The following MICAL3 variants were observed in gnomAD, a reference collection of about 807,000 sequenced individuals.
The protein encoded by MICAL3 is microtubule associated monooxygenase, calponin and LIM domain containing 3, also known as [F-actin]-monooxygenase MICAL3.
Under a neutral mutation model 207.4 loss-of-function variants are expected in MICAL3, and 62 were observed. The observed-to-expected ratio is 0.30, with a 90% CI of 0.24 to 0.37. The LOEUF (loss-of-function observed/expected upper bound fraction) is 0.37, where lower values mean the gene tolerates loss of function less well. Ranked by LOEUF, MICAL3 falls within the 10% of genes least tolerant of loss-of-function variation. The pLI, the probability that MICAL3 is intolerant of heterozygous loss-of-function variation, is 1.00. For missense variants in MICAL3, 2,368 were observed against 2,635.6 expected (o/e 0.90, Z 2.22); for synonymous variants, 1,077 against 1,069.3 (o/e 1.01, Z -0.14).
At chr22:17,873,934 C>T (rs192162767) in intron 16 of MICAL3, among the ~76,000 whole-genome samples, 2 of 152,236 alleles carry the variant, frequency 1.3e-5, no homozygotes, top group Non-Finnish European at 2.9e-5. Flanking sequence ...CCTGGGGGAA[C>T]CTGACCCTAA....
At position 17,876,825 on chromosome 22, in the gene MICAL3, G is replaced by C. The variant is rs1200763016; in HGVS notation, c.2242-4802C>G. The C allele has an allele frequency of 2.8e-4, 35 of 123,866 alleles. 1 individual carries two copies. Among genetic ancestry groups the C allele is most frequent in the South Asian group, 1.4e-3 (6 of 4,202 alleles). The allele number at this position is 123,866 out of a possible 1,614,324, so 7.7% of individuals were successfully genotyped here. On this transcript the variant is annotated intron_variant, in intron 16 of 31. Coordinates refer to ENST00000441493, the MANE Select transcript of MICAL3 (RefSeq NM_015241.3). ...TATGGAGGTTAGGGAGGTTAGGGAG[G>C]TTATGGAGGTTAGGGAGGTTAGGGA...
rs748154052 is a variant in MICAL3, at chr22:17,841,830, G to A, written c.2793C>T (p.Val931=). 3.8e-5 allele frequency: 59 copies of A among 1,547,130 alleles called. No individual in the cohort carries two copies. Among genetic ancestry groups the A allele is most frequent in the Middle Eastern group, 1.7e-4 (1 of 5,858 alleles). Residue 931 remains valine, a synonymous_variant, in exon 20 of 32, where the codon GTC becomes GTT. Coordinates refer to ENST00000441493, the MANE Select transcript of MICAL3 (RefSeq NM_015241.3). This position sits in a 1 kb window ranked among gnomAD's most constrained non-coding sequence, Gnocchi z 4.2. ...CAGCCCTGCGTGCTGACCTGCTGGC[G>A]ACGTCCTCCTCGGCGCCCGTGTCCA... The part of the protein sequence containing the change: ...SVLDTGAEED[V]ASSSSESEME...
intron 29 of MICAL3, among the ~76,000 whole-genome samples, chr22:17,804,052 T>A (rs2061965887): frequency 6.6e-6 from 1 of 152,158 alleles, no homozygotes. Context: ...TGTCCACACA[T>A]GCCGTATCTG....
intron 12 of MICAL3, among the ~76,000 whole-genome samples, chr22:17,890,826 T>C (rs574478616): frequency 1.3e-5 from 2 of 152,314 alleles, no homozygotes; most frequent in East Asian, 1.9e-4. Context: ...CAAATGCCGA[T>C]GGGGGAACCT....
At position 17,996,666 on chromosome 22, in the gene MICAL3, T is replaced by C. The variant is rs1488748383; in HGVS notation, c.-75+27615A>G. On this transcript the variant is annotated intron_variant, in intron 1 of 31. Coordinates refer to ENST00000441493, the MANE Select transcript of MICAL3 (RefSeq NM_015241.3). Reference sequence around the variant, plus strand: ...CTGACACCACCCATCACCCAGGGGATCCGAGCTGAATTCTAAAGACTGGAA... The same window carrying C: ...CTGACACCACCCATCACCCAGGGGACCCGAGCTGAATTCTAAAGACTGGAA... Among the ~76,000 whole-genome samples, 8 of 152,188 alleles carry C rather than the reference T, an allele frequency of 5.3e-5. No individual in the cohort carries two copies. In the East Asian group the frequency reaches 9.6e-4, roughly 18 times the overall value.
At chr22:17,876,859 AGGTTAGG>A (rs1928527050) in intron 16 of MICAL3, 1 of 135,774 alleles carries the variant, frequency 7.4e-6, no homozygotes, top group Admixed American at 7.2e-5. Flanking sequence ...GAGGTTATGG[AGGTTAGG>A]GAGGTTAGGG....
chr22:17,799,377 C>A (rs2061913121), intron 29 of MICAL3, among the ~76,000 whole-genome samples: 1 of 152,188 alleles, frequency 6.6e-6, no homozygotes, highest in Non-Finnish European at 1.5e-5. Context: ...CAGAGCCAGA[C>A]CCTGTCTCAA....
intron 1 of MICAL3, among the ~76,000 whole-genome samples, chr22:17,913,161 C>A (rs1932248696): frequency 6.6e-6 from 1 of 152,132 alleles, no homozygotes; most frequent in African/African-American, 2.4e-5. Flanking sequence ...CACCACTGTG[C>A]CCTTCCCCTC....
chr22:17,960,134 G>A (rs746975793), intron 1 of MICAL3, among the ~76,000 whole-genome samples: 2 of 152,154 alleles, frequency 1.3e-5, no homozygotes, highest in East Asian at 3.8e-4. Context: ...CAGGCTGAGC[G>A]CGGCTGTGGC....
chr22:17,842,216 T>TGG, intron 19 of MICAL3, 199 bp from the exon 20 acceptor site: 1 of 601,674 alleles, frequency 1.7e-6, no homozygotes, highest in Non-Finnish European at 2.9e-6. Flanking sequence ...GAAAGGAAGG[T>TGG]GGCCCTGTCT....
chr22:18,002,658 C>T (rs1398442149), intron 1 of MICAL3, among the ~76,000 whole-genome samples: 1 of 151,778 alleles, frequency 6.6e-6, no homozygotes, highest in Non-Finnish European at 1.5e-5. Context: ...AAATATAGAG[C>T]GAATTGAACC....
chr22:17,791,007 C>T lies in MICAL3; in HGVS notation c.5815G>A (p.Ala1939Thr), dbSNP rs1261402833. 6 of 1,612,492 alleles carry T rather than the reference C, an allele frequency of 3.7e-6. No homozygotes were observed. The highest frequency in any genetic ancestry group is 4.2e-6 in the Non-Finnish European group (5 of 1,179,798). The change falls in exon 31 of 32, where the codon GCA becomes ACA. Residue 1939 changes from alanine to threonine, a missense_variant. Transcript: ENST00000441493. ...RLQQELRERM[A>T]VEDHLKTEEE... ...GCCTTACCCCACTCACCTTCCACTG[C>T]CATGCGTTCCCGGAGCTCCTGCTGC...
chr22:17,865,028 T>C, intron 18 of MICAL3, 42 bp from the exon 19 acceptor site: 5 of 1,565,212 alleles, frequency 3.2e-6, no homozygotes, highest in Non-Finnish European at 4.3e-6. Flanking sequence ...CTCTGACTGA[T>C]GCACTCAAAT....
chr22:17,881,149 T>C lies in MICAL3; in HGVS notation c.2241+4729A>G, dbSNP rs1035690527. The C allele has an allele frequency of 1.1e-5, 16 of 1,432,692 alleles. No homozygotes were observed. In the African/African-American group the frequency reaches 1.5e-4, roughly 14 times the overall value. 88.7% of individuals were successfully genotyped at this position (1,432,692 alleles called of 1,614,324 possible). A position where few individuals can be genotyped will look rare whatever the true frequency, so the allele number is the denominator to read the frequency against. The stretch of plus-strand genomic sequence containing the variant: ...TGACTTGGTCTCTACACTAGCCACC[T>C]ACACAGACAGGCAGGCAGACAGAGA... On this transcript the variant is annotated intron_variant, in intron 16 of 31. Coordinates refer to ENST00000441493, the MANE Select transcript of MICAL3 (RefSeq NM_015241.3).
At position 17,896,257 on chromosome 22, in the gene MICAL3, C is replaced by T. The variant is rs923048955; in HGVS notation, c.1311G>A (p.Val437=). The T allele has an allele frequency of 6.4e-7, 1 of 1,553,666 alleles. No individual in the cohort carries two copies. Among genetic ancestry groups the T allele is most frequent in the Admixed American group, 1.9e-5 (1 of 51,612 alleles). The change falls in exon 9 of 32, where the codon GTG becomes GTA. Residue 437 remains valine, a synonymous_variant. Coordinates refer to ENST00000441493, the MANE Select transcript of MICAL3 (RefSeq NM_015241.3). ...TTACTTCCCATTACCTCTCTGCCAG[C>T]ACTTCCAAAGGGCTCGTTCCTAGAG... ...SWSLGTSPLE[V]LAERESIYRL... is the part of the protein sequence containing the mutation.
intron 19 of MICAL3, chr22:17,863,443 G>A: frequency 1.0e-6 from 1 of 985,426 alleles, no homozygotes; most frequent in Non-Finnish European, 1.2e-6. Flanking sequence ...TTCTCTACCA[G>A]TGATTCTGCC....
Position 17,887,424 on chromosome 22 carries a change from G to A in MICAL3, c.1903C>T (p.Leu635=). 2 of 1,612,394 alleles carry A rather than the reference G, an allele frequency of 1.2e-6. No homozygotes were observed. The highest frequency in any genetic ancestry group is 1.3e-5 in the African/African-American group (1 of 75,010). The change falls in exon 14 of 32, where the codon CTA becomes TTA. Residue 635 remains leucine (L), a synonymous_variant. Coordinates refer to ENST00000441493, the MANE Select transcript of MICAL3 (RefSeq NM_015241.3). ...DSLPSSDTLD[L]NAEEKAVLIA... is the part of the protein sequence containing the mutation. ...AGGACTGCTTTCTCCTCGGCATTTA[G>A]GTCCAAGGTGTCTGGGAATAGAAAC...
chr22:17,976,537 G>A (rs1199282577), intron 1 of MICAL3, among the ~76,000 whole-genome samples: 152 of 45,792 alleles, frequency 3.3e-3, no homozygotes, highest in Non-Finnish European at 4.7e-3. Context: ...GTATATATAT[G>A]TGTGTGTGTG....
intron 1 of MICAL3, among the ~76,000 whole-genome samples, chr22:17,914,373 A>G (rs1251387574): frequency 6.6e-6 from 1 of 152,176 alleles, no homozygotes; most frequent in Non-Finnish European, 1.5e-5. Flanking sequence ...TCGGTGCCAC[A>G]TCCACGCCTA....
Sources: gnomAD v4.1 joint callset for allele counts (sites outside exome capture counted in the v4.1 genomes callset) on GRCh38, gnomAD v4.1.1 for gene constraint, Gnocchi (gnomAD v3.1) non-coding constraint, MANE v1.5 for transcripts, NCBI Gene and HGNC (gene_info 2026-07-23, HGNC 2026-07-21) for gene names.